The following EXPH5 variants were observed in gnomAD, a reference collection of about 807,000 sequenced individuals.
The protein encoded by EXPH5 is exophilin-5.
EXPH5 carries 42 observed loss-of-function variants against 41.1 expected under a neutral mutation model. That is an observed-to-expected ratio of 1.02 (90% CI 0.80 to 1.32). EXPH5 has a LOEUF of 1.32. EXPH5 is among the 40% of genes most tolerant of loss of function. The probability of loss-of-function intolerance (pLI) is 0.00; values close to 1 mark genes in which losing one functional copy is unlikely to be tolerated. For synonymous variants in EXPH5, 798 were observed against 833.5 expected (o/e 0.96, Z 0.73); for missense variants, 2,298 against 2,314.5 (o/e 0.99, Z 0.15).
intron 1 of EXPH5, among the ~76,000 whole-genome samples, chr11:108,583,483 T>C (rs2094104596): frequency 6.6e-6 from 1 of 151,718 alleles, no homozygotes; most frequent in Admixed American, 6.6e-5. Flanking sequence ...ATTCAAGATA[T>C]GTTCAAATAA....
intron 1 of EXPH5, among the ~76,000 whole-genome samples, chr11:108,572,458 C>T (rs1234281055): frequency 6.6e-6 from 1 of 152,196 alleles, no homozygotes; most frequent in Non-Finnish European, 1.5e-5. Context: ...CCTAAGGATC[C>T]TTACCAGCCC....
In EXPH5 at chr11:108,510,581, C is replaced by T. The variant is rs2093672274; in HGVS notation, c.4926G>A (p.Leu1642=). The T allele has an allele frequency of 1.2e-6, 2 of 1,613,950 alleles. No homozygotes were observed. Among genetic ancestry groups the T allele is most frequent in the East Asian group, 4.5e-5 (2 of 44,884 alleles). Residue 1642 remains leucine (L), a synonymous_variant, in exon 6 of 6, where the codon CTG becomes CTA. Transcript: ENST00000265843. The part of the protein sequence containing the change: ...LSLGTVECNP[L]FPEPTPKSAE... ...CAGATTTTGGAGTAGGCTCAGGGAA[C>T]AGTGGGTTGCACTCCACTGTGCCAA...
intron 1 of EXPH5, among the ~76,000 whole-genome samples, chr11:108,573,335 T>C (rs941340101): frequency 6.6e-6 from 1 of 152,124 alleles, no homozygotes; most frequent in African/African-American, 2.4e-5. Flanking sequence ...TAAATGACAA[T>C]CAGTCCACTT....
intron 3 of EXPH5, among the ~76,000 whole-genome samples, chr11:108,529,863 T>C (rs1282799844): frequency 2.0e-5 from 3 of 149,618 alleles, no homozygotes; most frequent in South Asian, 2.1e-4. Flanking sequence ...AAAAAAAAGA[T>C]TTAATAGACC....
chr11:108,571,454 C>A (rs1000968293), intron 1 of EXPH5, among the ~76,000 whole-genome samples: 3 of 152,158 alleles, frequency 2.0e-5, no homozygotes, highest in African/African-American at 7.2e-5. Flanking sequence ...ATGCACTCCC[C>A]ATGGAGAAGG....
chr11:108,587,632 GTTAT>G (rs2094117135), intron 1 of EXPH5, among the ~76,000 whole-genome samples: 1 of 152,000 alleles, frequency 6.6e-6, no homozygotes, highest in East Asian at 1.9e-4. Context: ...ACCCTTACAA[GTTAT>G]TTATTTTTTA....
chr11:108,520,309 T>C (rs1206333371), intron 4 of EXPH5, among the ~76,000 whole-genome samples: 1 of 152,110 alleles, frequency 6.6e-6, no homozygotes, highest in African/African-American at 2.4e-5. Flanking sequence ...CCACCACCAC[T>C]TTCTGTGGAA....
At chr11:108,526,191 G>A (rs61002469) in intron 4 of EXPH5, among the ~76,000 whole-genome samples, 4,474 of 151,890 alleles carry the variant, frequency 0.029, 210 homozygotes, top group African/African-American at 0.1. Flanking sequence ...CCAAAGTGTT[G>A]AGATTATAGG....
intron 1 of EXPH5, among the ~76,000 whole-genome samples, chr11:108,588,758 A>G (rs2094120413): frequency 6.6e-6 from 1 of 152,242 alleles, no homozygotes; most frequent in Non-Finnish European, 1.5e-5. Flanking sequence ...GAAAGACTTT[A>G]TAAGCTAAAA....
intron 1 of EXPH5, among the ~76,000 whole-genome samples, chr11:108,558,115 G>A (rs1057438507): frequency 1.3e-5 from 2 of 151,928 alleles, no homozygotes; most frequent in African/African-American, 2.4e-5. Context: ...GCTAATTTTT[G>A]TATTTTTAAT....
chr11:108,578,690 T>C (rs1038909638), intron 1 of EXPH5, among the ~76,000 whole-genome samples: 1 of 152,252 alleles, frequency 6.6e-6, no homozygotes, highest in Non-Finnish European at 1.5e-5. Context: ...CATTTGTTTA[T>C]GTCCTCTTCA....
chr11:108,512,526 A>G lies in EXPH5; in HGVS notation c.2981T>C (p.Val994Ala). Residue 994 changes from valine to alanine, a missense_variant, in exon 6 of 6, where the codon GTA becomes GCA. Transcript: ENST00000265843. ...EKLSKTESIS[V>A]PTSDHRSLIE... is the part of the protein sequence containing the mutation. ...GAGGCTCCTGTGATCACTGGTGGGTACTGATATACTTTCTGTTTTGCTTAA... is the reference window on the plus strand; with the variant it reads ...GAGGCTCCTGTGATCACTGGTGGGTGCTGATATACTTTCTGTTTTGCTTAA... 1 of 1,613,234 alleles carries G rather than the reference A, an allele frequency of 6.2e-7. No individual in the cohort carries two copies. Among genetic ancestry groups the G allele is most frequent in the Non-Finnish European group, 8.5e-7 (1 of 1,179,836 alleles).
chr11:108,605,305 G>A, the EXPH5 span, among the ~76,000 whole-genome samples: 3 of 152,176 alleles, frequency 2.0e-5, no homozygotes, highest in Non-Finnish European at 4.4e-5. Context: ...TCTGAGCAGT[G>A]CTGGCTTGGG....
upstream of EXPH5, among the ~76,000 whole-genome samples, chr11:108,597,023 A>G (rs1292864972): frequency 6.6e-6 from 1 of 152,158 alleles, no homozygotes; most frequent in African/African-American, 2.4e-5. Context: ...TTAGTATTTA[A>G]TAGTCACAGC....
the EXPH5 span, among the ~76,000 whole-genome samples, chr11:108,600,789 TC>T: frequency 6.6e-6 from 1 of 152,246 alleles, no homozygotes; most frequent in Non-Finnish European, 1.5e-5. Flanking sequence ...ATTCTAGCCA[TC>T]CCTTTTTCCA....
the EXPH5 span, among the ~76,000 whole-genome samples, chr11:108,599,867 T>C: frequency 1.4e-4 from 22 of 152,354 alleles, no homozygotes; most frequent in East Asian, 1.9e-4. Context: ...ATAACTACTG[T>C]CGACCTGAGA....
In EXPH5 at chr11:108,506,084, A is replaced by G. The variant is rs1483144556; in HGVS notation, c.*3453T>C. On this transcript the variant is annotated 3_prime_UTR_variant, in exon 6 of 6. Transcript: ENST00000265843. ...TAGTATCTAAACAAGTTTATAATTT[A>G]TAAGGTATTTATTACGATTGATTCC... is the stretch of plus-strand genomic sequence containing the variant. 1 of 152,204 alleles carries G rather than the reference A, an allele frequency of 6.6e-6. No individual in the cohort carries two copies. The highest frequency in any genetic ancestry group is 2.4e-5 in the African/African-American group (1 of 41,452). The allele number at this position is 152,204 out of a possible 1,614,324, so 9.4% of individuals were successfully genotyped here. A position where few individuals can be genotyped will look rare whatever the true frequency, so the allele number is the denominator to read the frequency against.
intron 1 of EXPH5, among the ~76,000 whole-genome samples, chr11:108,578,692 T>C (rs2094087999): frequency 6.6e-6 from 1 of 152,232 alleles, no homozygotes; most frequent in South Asian, 2.1e-4. Flanking sequence ...TTTGTTTATG[T>C]CCTCTTCACT....
chr11:108,563,289 C>T (rs1419382203), intron 1 of EXPH5, among the ~76,000 whole-genome samples: 1 of 152,202 alleles, frequency 6.6e-6, no homozygotes, highest in Non-Finnish European at 1.5e-5. Flanking sequence ...AAGTGCATAG[C>T]TCAGCTGTCA....
Sources: gnomAD v4.1 joint callset for allele counts (sites outside exome capture counted in the v4.1 genomes callset) on GRCh38, gnomAD v4.1.1 for gene constraint, MANE v1.5 for transcripts, NCBI Gene and HGNC (gene_info 2026-07-23, HGNC 2026-07-21) for gene names.